Variants in KCTD8 observed in about 807,000 individuals in gnomAD.
KCTD8 encodes potassium channel tetramerization domain containing 8.
In KCTD8, 27 loss-of-function variants were observed where a neutral mutation model predicts 31.5. The ratio of observed to expected loss-of-function variants is 0.86; its 90% CI spans 0.63 to 1.18. KCTD8 has a LOEUF of 1.18. KCTD8 is among the 50% of genes most tolerant of loss of function. The pLI is 0.00. For missense variants in KCTD8, 658 were observed against 647.7 expected (o/e 1.02, Z -0.17); for synonymous variants, 290 against 280.0 (o/e 1.04, Z -0.36).
chr4:44,266,322 A>G (rs970283554), intron 1 of KCTD8, among the ~76,000 whole-genome samples: 1 of 151,848 alleles, frequency 6.6e-6, no homozygotes, highest in South Asian at 2.1e-4. Context: ...GAAATAAAAT[A>G]CTTTACAGAC....
chr4:44,347,797 A>G (rs978501781), intron 1 of KCTD8, among the ~76,000 whole-genome samples: 4 of 152,196 alleles, frequency 2.6e-5, no homozygotes, highest in African/African-American at 9.6e-5. Context: ...GCAGTATTAT[A>G]TGCATAAAAC....
intron 1 of KCTD8, among the ~76,000 whole-genome samples, chr4:44,394,644 ATTTG>A (rs1319339470): frequency 6.6e-6 from 1 of 152,058 alleles, no homozygotes. Flanking sequence ...AAATCGGATA[ATTTG>A]ACCCACACAA....
intron 1 of KCTD8, among the ~76,000 whole-genome samples, chr4:44,279,993 A>T (rs57291331): frequency 0.029 from 4,390 of 152,160 alleles, 264 homozygotes; most frequent in East Asian, 0.15. Context: ...TTTATGATCA[A>T]GTTATAGCCT....
chr4:44,391,663 C>G (rs1036952886), intron 1 of KCTD8, among the ~76,000 whole-genome samples: 1 of 151,666 alleles, frequency 6.6e-6, no homozygotes, highest in African/African-American at 2.4e-5. Flanking sequence ...AGTAAGACTT[C>G]CAGTTAACAG....
intron 1 of KCTD8, among the ~76,000 whole-genome samples, chr4:44,368,779 A>G (rs1271574759): frequency 1.3e-5 from 2 of 152,222 alleles, no homozygotes; most frequent in East Asian, 3.9e-4. Flanking sequence ...AGCAATCTCA[A>G]TTCAGGTTAT....
intron 1 of KCTD8, among the ~76,000 whole-genome samples, chr4:44,243,882 A>T (rs1715575390): frequency 2.6e-5 from 4 of 152,198 alleles, no homozygotes; most frequent in African/African-American, 7.2e-5. Flanking sequence ...GGTTATTCTC[A>T]TTATGCAAAA....
intron 1 of KCTD8, among the ~76,000 whole-genome samples, chr4:44,206,622 G>T (rs1320207366): frequency 6.6e-6 from 1 of 152,134 alleles, no homozygotes; most frequent in East Asian, 1.9e-4. Context: ...GGAGCCAGAG[G>T]CCTCTTCCAG....
At chr4:44,271,010 A>C (rs1207258178) in intron 1 of KCTD8, among the ~76,000 whole-genome samples, 1 of 152,098 alleles carries the variant, frequency 6.6e-6, no homozygotes, top group African/African-American at 2.4e-5. Flanking sequence ...TTATTAAATA[A>C]ATTTTTAGAG....
chr4:44,359,657 C>A (rs182264510), intron 1 of KCTD8, among the ~76,000 whole-genome samples: 4 of 152,102 alleles, frequency 2.6e-5, no homozygotes, highest in African/African-American at 9.6e-5. Flanking sequence ...TTTGCTCTTG[C>A]TGCTTGTGAG....
At chr4:44,313,509 C>T (rs1301374385) in intron 1 of KCTD8, among the ~76,000 whole-genome samples, 2 of 152,120 alleles carry the variant, frequency 1.3e-5, no homozygotes, top group South Asian at 2.1e-4. Context: ...ATAAACTCCT[C>T]AATGAAAATA....
At chr4:44,193,377 A>G (rs542497263) in intron 1 of KCTD8, among the ~76,000 whole-genome samples, 2 of 152,272 alleles carry the variant, frequency 1.3e-5, no homozygotes, top group South Asian at 4.1e-4. Context: ...GCAGATGTAG[A>G]TCTGTCTGAC....
chr4:44,437,907 TAGA>T (rs1457551134), intron 1 of KCTD8, among the ~76,000 whole-genome samples: 11 of 152,246 alleles, frequency 7.2e-5, no homozygotes, highest in Admixed American at 2.6e-4. Context: ...GAATCACCAT[TAGA>T]AGGATTCATC....
intron 1 of KCTD8, among the ~76,000 whole-genome samples, chr4:44,178,993 T>C (rs956193862): frequency 2.6e-5 from 4 of 152,164 alleles, no homozygotes; most frequent in African/African-American, 7.2e-5. Context: ...TTCTGCCTGA[T>C]GAAGTTCATA....
chr4:44,405,923 A>T (rs1480791281), intron 1 of KCTD8, among the ~76,000 whole-genome samples: 2 of 152,072 alleles, frequency 1.3e-5, no homozygotes, highest in African/African-American at 4.8e-5. Context: ...GGAACTAACA[A>T]GAGGAGAAGA....
At chr4:44,253,628 G>A (rs527583920) in intron 1 of KCTD8, among the ~76,000 whole-genome samples, 27 of 151,696 alleles carry the variant, frequency 1.8e-4, no homozygotes, top group African/African-American at 6.3e-4. Context: ...AGCACAAATG[G>A]ATATAGAGAG....
chr4:44,437,650 C>T (rs867766489), intron 1 of KCTD8, among the ~76,000 whole-genome samples: 1 of 152,024 alleles, frequency 6.6e-6, no homozygotes, highest in Non-Finnish European at 1.5e-5. Flanking sequence ...AAATGACAGC[C>T]TGACACCCTA....
intron 1 of KCTD8, among the ~76,000 whole-genome samples, chr4:44,226,377 ATTG>A (rs1216582365): frequency 2.6e-5 from 4 of 152,130 alleles, no homozygotes; most frequent in Middle Eastern, 3.2e-3. Flanking sequence ...GAACTCATCC[ATTG>A]TTATGGCTGC....
chr4:44,229,781 A>G (rs373865909), intron 1 of KCTD8, among the ~76,000 whole-genome samples: 8 of 152,104 alleles, frequency 5.3e-5, no homozygotes, highest in East Asian at 1.9e-4. Context: ...TTGATGGTGG[A>G]TCTACTAAAC....
chr4:44,412,695 C>A (rs1277883028), intron 1 of KCTD8, among the ~76,000 whole-genome samples: 1 of 152,024 alleles, frequency 6.6e-6, no homozygotes, highest in African/African-American at 2.4e-5. Context: ...CCTAACATTA[C>A]AAATTTTAAG....
Sources: gnomAD v4.1 joint callset for allele counts (sites outside exome capture counted in the v4.1 genomes callset) on GRCh38, gnomAD v4.1.1 for gene constraint, MANE v1.5 for transcripts, NCBI Gene and HGNC (gene_info 2026-07-23, HGNC 2026-07-21) for gene names.